The following GRIN2A variants were observed in gnomAD, a reference collection of about 807,000 sequenced individuals.
The protein encoded by GRIN2A is glutamate ionotropic receptor NMDA type subunit 2A.
A neutral mutation model predicts 113.4 loss-of-function variants in GRIN2A; 22 were observed. The ratio of observed to expected loss-of-function variants is 0.19; its 90% CI spans 0.14 to 0.28. The LOEUF (loss-of-function observed/expected upper bound fraction) is 0.28, where lower values mean the gene tolerates loss of function less well. Among genes scored for constraint, GRIN2A ranks in the 10% least tolerant of loss-of-function variants. The pLI, the probability that GRIN2A is intolerant of heterozygous loss-of-function variation, is 1.00. For missense variants in GRIN2A, 1,502 were observed against 1,887.0 expected (o/e 0.80, Z 3.78); for synonymous variants, 827 against 738.4 (o/e 1.12, Z -1.94).
chr16:10,125,021 C>A (rs1056721193), intron 2 of GRIN2A, among the ~76,000 whole-genome samples: 7 of 152,160 alleles, frequency 4.6e-5, no homozygotes, highest in Non-Finnish European at 7.4e-5. Flanking sequence ...TGACAGCAAA[C>A]AAAGCCCCAA....
chr16:10,004,232 T>C (rs990558783), intron 2 of GRIN2A, among the ~76,000 whole-genome samples: 3 of 151,532 alleles, frequency 2.0e-5, no homozygotes, highest in African/African-American at 7.3e-5. Flanking sequence ...CTACTAAAAA[T>C]ACAAAAATCA....
At chr16:9,942,409 T>G (rs756059569) in intron 2 of GRIN2A, among the ~76,000 whole-genome samples, 12 of 152,126 alleles carry the variant, frequency 7.9e-5, no homozygotes, top group Non-Finnish European at 1.6e-4. Context: ...TTTGAAAAAG[T>G]GCTTAATCTT....
At chr16:10,102,322 G>A (rs887660921) in intron 2 of GRIN2A, among the ~76,000 whole-genome samples, 2 of 152,150 alleles carry the variant, frequency 1.3e-5, no homozygotes, top group African/African-American at 2.4e-5. Flanking sequence ...AAAAGAGTGT[G>A]GCACTGATCC....
chr16:10,022,246 C>T (rs1411198078), intron 2 of GRIN2A, among the ~76,000 whole-genome samples: 2 of 152,064 alleles, frequency 1.3e-5, no homozygotes, highest in African/African-American at 4.8e-5. Context: ...TGATTTCCAG[C>T]TCAGCCTTAC....
At chr16:10,049,145 G>T (rs1389096273) in intron 2 of GRIN2A, among the ~76,000 whole-genome samples, 2 of 152,066 alleles carry the variant, frequency 1.3e-5, no homozygotes, top group Non-Finnish European at 1.5e-5. Context: ...CTTGGCAAAA[G>T]CCCAGTGAAT....
At chr16:9,908,717 TG>T (rs1262571775) in intron 3 of GRIN2A, among the ~76,000 whole-genome samples, 4 of 152,212 alleles carry the variant, frequency 2.6e-5, no homozygotes, top group Non-Finnish European at 4.4e-5. Context: ...TCAGGAAAGC[TG>T]GCCAGGGCTG....
chr16:9,772,084 A>C (rs1273237753), intron 11 of GRIN2A, among the ~76,000 whole-genome samples: 2 of 152,234 alleles, frequency 1.3e-5, no homozygotes, highest in Non-Finnish European at 2.9e-5. Flanking sequence ...TCACCCACAA[A>C]AATGGGTGCT....
chr16:10,131,223 G>C (rs2049054781), intron 2 of GRIN2A, among the ~76,000 whole-genome samples: 1 of 152,170 alleles, frequency 6.6e-6, no homozygotes, highest in Non-Finnish European at 1.5e-5. Context: ...GGCTAGTGGA[G>C]AACAGGTTTT....
Position 10,012,927 on chromosome 16 carries a change from C to T in GRIN2A, c.415-74376G>A, listed in dbSNP as rs1041551876. 3.3e-5 allele frequency among the ~76,000 whole-genome samples: 5 copies of T among 152,256 alleles called. No homozygotes were observed. The East Asian group carries it at 9.6e-4, about 29-fold the overall frequency. On this transcript the variant is annotated intron_variant, in intron 2 of 12. Transcript: ENST00000330684. Reference sequence around the variant, plus strand: ...GTAAGTTTGCGGTAATTTATTTCAGCAATAGGCAACTAATACACCATGTAT... The same window carrying T: ...GTAAGTTTGCGGTAATTTATTTCAGTAATAGGCAACTAATACACCATGTAT...
Position 9,763,370 on chromosome 16 carries a change from G to A in GRIN2A, c.4174C>T (p.Pro1392Ser), listed in dbSNP as rs2141125874. ...TAGCTGTCATTCACCGCCTGGGATGGCAACGAGTGTTTGTAAGGGTCCGAG... is the reference window on the plus strand; with the variant it reads ...TAGCTGTCATTCACCGCCTGGGATGACAACGAGTGTTTGTAAGGGTCCGAG... ...CPSDPYKHSL[P>S]SQAVNDSYLR... The change falls in exon 13 of 13, where the codon CCA becomes TCA. Residue 1392 changes from proline to serine, a missense_variant. Physicochemically the swap from Pro to Ser is moderately conservative, Grantham distance 74. Coordinates refer to ENST00000330684, the MANE Select transcript of GRIN2A (RefSeq NM_001134407.3). The A allele has an allele frequency of 6.2e-7, 1 of 1,614,150 alleles. No individual in the cohort carries two copies. Among genetic ancestry groups the A allele is most frequent in the Non-Finnish European group, 8.5e-7 (1 of 1,180,006 alleles).
In GRIN2A at chr16:9,753,497, T is replaced by A; in HGVS notation, c.*9652A>T. 1 of 204,014 alleles carries A rather than the reference T, an allele frequency of 4.9e-6. No homozygotes were observed. Among genetic ancestry groups the A allele is most frequent in the East Asian group, 7.5e-5 (1 of 13,366 alleles). 12.6% of individuals were successfully genotyped at this position (204,014 alleles called of 1,614,324 possible). A position where few individuals can be genotyped will look rare whatever the true frequency, so the allele number is the denominator to read the frequency against. On this transcript the variant is annotated 3_prime_UTR_variant, in exon 13 of 13. Transcript: ENST00000330684. ...TTTTTACACCATATGACCGGGCACT[T>A]CTGTTGCCTCAGGAGTTATATACAT...
intron 2 of GRIN2A, among the ~76,000 whole-genome samples, chr16:10,031,817 T>G (rs988231692): frequency 6.6e-6 from 1 of 152,216 alleles, no homozygotes; most frequent in African/African-American, 2.4e-5. Context: ...TGCTCTGACC[T>G]CCTTCACTCT....
At chr16:10,055,166 C>T (rs972674712) in intron 2 of GRIN2A, among the ~76,000 whole-genome samples, 6 of 122,638 alleles carry the variant, frequency 4.9e-5, no homozygotes, top group African/African-American at 1.5e-4. Flanking sequence ...AAGCATAAAA[C>T]ATACTAATAC....
chr16:9,996,312 T>C (rs756539508), intron 2 of GRIN2A, among the ~76,000 whole-genome samples: 24 of 152,164 alleles, frequency 1.6e-4, no homozygotes, highest in Admixed American at 1.3e-4. Context: ...CATTCTCTTC[T>C]ACCACATTGC....
intron 2 of GRIN2A, among the ~76,000 whole-genome samples, chr16:10,117,349 T>A (rs1410136680): frequency 1.3e-5 from 2 of 152,170 alleles, no homozygotes; most frequent in African/African-American, 2.4e-5. Flanking sequence ...AATGATAGGA[T>A]GTTGGGAATT....
chr16:10,088,883 C>A (rs542501768), intron 2 of GRIN2A, among the ~76,000 whole-genome samples: 26 of 151,508 alleles, frequency 1.7e-4, no homozygotes, highest in African/African-American at 5.5e-4. Flanking sequence ...AAGGGAAGAG[C>A]TTCATTCACC....
intron 2 of GRIN2A, among the ~76,000 whole-genome samples, chr16:10,051,329 A>C (rs1567263304): frequency 6.6e-6 from 1 of 152,034 alleles, no homozygotes. Context: ...GGAACAAGAC[A>C]CCTCCTGCAT....
At chr16:9,778,147 G>A (rs1186601406) in intron 11 of GRIN2A, among the ~76,000 whole-genome samples, 3 of 152,192 alleles carry the variant, frequency 2.0e-5, no homozygotes, top group Admixed American at 1.3e-4. Flanking sequence ...TTAAAAAGAG[G>A]ATTGGACAAT....
intron 2 of GRIN2A, among the ~76,000 whole-genome samples, chr16:10,176,346 A>G (rs1475690877): frequency 1.3e-5 from 2 of 152,082 alleles, no homozygotes; most frequent in African/African-American, 4.8e-5. Flanking sequence ...AGACTACCCA[A>G]TGATGCGAGC....
Sources: allele counts gnomAD v4.1 joint callset (sites outside exome capture counted in the v4.1 genomes callset), GRCh38; gene constraint gnomAD v4.1.1; transcripts MANE v1.5; gene names NCBI Gene and HGNC (gene_info 2026-07-23, HGNC 2026-07-21).